The following ASIC1 variants were observed in gnomAD, a reference collection of about 807,000 sequenced individuals.
ASIC1 encodes acid sensing ion channel subunit 1.
Under a neutral mutation model 63.4 loss-of-function variants are expected in ASIC1, and 21 were observed. The observed-to-expected ratio is 0.33, with a 90% confidence interval of 0.23 to 0.48. The LOEUF (loss-of-function observed/expected upper bound fraction) is 0.48. Among genes scored for constraint, ASIC1 ranks in the 20% least tolerant of loss-of-function variants. The pLI, the probability that ASIC1 is intolerant of heterozygous loss-of-function variation, is 0.99. For synonymous variants in ASIC1, 258 were observed against 278.2 expected, an observed-to-expected ratio of 0.93 and a Z score of 0.72; for missense variants, 478 against 695.5, an observed-to-expected ratio of 0.69 and a Z score of 3.52.
chr12:50,072,272 C>T (rs1289396054), intron 3 of ASIC1, among the ~76,000 whole-genome samples: 4 of 152,228 alleles, frequency 2.6e-5, no homozygotes, highest in Non-Finnish European at 5.9e-5. Context: ...TCTAGCCCCA[C>T]TGCTCCTCCT....
intron 3 of ASIC1, among the ~76,000 whole-genome samples, chr12:50,071,187 T>A (rs909646119): frequency 5.3e-5 from 8 of 152,016 alleles, no homozygotes; most frequent in Admixed American, 5.2e-4. Context: ...GGCACAGGAC[T>A]GTGGATGAGC....
rs1555185346 is a variant in ASIC1, at chr12:50,078,167, T to C, written c.837+40T>C. On this transcript the variant is annotated intron_variant, in intron 5 of 11. Coordinates refer to ENST00000447966, the MANE Select transcript of ASIC1 (RefSeq NM_001095.4). The surrounding 1 kb of genome is among the most constrained non-coding windows in gnomAD (Gnocchi z 6.0). ...GGAGGCTGGTCCTGGGGTGGGGTAT[T>C]GAGGGGTCCAGATGGAGTGGTGGGC... The C allele has an allele frequency of 6.3e-7, 1 of 1,595,504 alleles. No individual in the cohort carries two copies. Among genetic ancestry groups the C allele is most frequent in the South Asian group, 1.1e-5 (1 of 87,992 alleles).
At chr12:50,062,506 G>T (rs1430652851) in intron 3 of ASIC1, among the ~76,000 whole-genome samples, 2 of 152,218 alleles carry the variant, frequency 1.3e-5, no homozygotes, top group Non-Finnish European at 2.9e-5. Context: ...TTAGGGCTTT[G>T]CTTGCTCTTT....
At chr12:50,066,432 T>C (rs1011421358) in intron 3 of ASIC1, among the ~76,000 whole-genome samples, 1 of 151,786 alleles carries the variant, frequency 6.6e-6, no homozygotes, top group African/African-American at 2.4e-5. Flanking sequence ...CAAGAAAGGG[T>C]ATAGAGAAGA....
chr12:50,077,190 G>A (rs370844778), intron 3 of ASIC1, 23 bp from the exon 4 acceptor site: 26 of 1,603,678 alleles, frequency 1.6e-5, no homozygotes, highest in Non-Finnish European at 2.1e-5. Flanking sequence ...GGACTCTTAG[G>A]CTCTCCACTC....
At chr12:50,077,904 C>T (rs745573967) in intron 4 of ASIC1, 96 bp from the exon 5 acceptor site, 88 of 1,520,754 alleles carry the variant, frequency 5.8e-5, no homozygotes, top group Non-Finnish European at 7.3e-5. Context: ...CCAGTGCACC[C>T]TATGCTTATT....
intron 3 of ASIC1, among the ~76,000 whole-genome samples, chr12:50,063,585 T>C (rs1950520056): frequency 6.6e-6 from 1 of 152,080 alleles, no homozygotes; most frequent in African/African-American, 2.4e-5. Context: ...CAGGAGTCCT[T>C]CTCAGGACCC....
chr12:50,064,102 G>A (rs1950524690), intron 3 of ASIC1, among the ~76,000 whole-genome samples: 1 of 152,138 alleles, frequency 6.6e-6, no homozygotes, highest in Non-Finnish European at 1.5e-5. Flanking sequence ...TGCACAGATT[G>A]CAGAGGGATA....
intron 3 of ASIC1, among the ~76,000 whole-genome samples, chr12:50,068,841 C>G (rs546163407): frequency 6.6e-6 from 1 of 152,156 alleles, no homozygotes; most frequent in African/African-American, 2.4e-5. Flanking sequence ...CACTCTACCC[C>G]CTGTTCCGGC....
chr12:50,058,133 C>A (rs991313964), intron 1 of ASIC1, among the ~76,000 whole-genome samples: 6 of 151,902 alleles, frequency 3.9e-5, no homozygotes, highest in Admixed American at 6.5e-5. Flanking sequence ...CCGCGCCCCC[C>A]CTCCATACAT....
At chr12:50,061,601 T>C (rs1279754044) in intron 3 of ASIC1, among the ~76,000 whole-genome samples, 1 of 152,012 alleles carries the variant, frequency 6.6e-6, no homozygotes, top group Non-Finnish European at 1.5e-5. Context: ...GAGGGACCCG[T>C]GAGAAAGATG....
At position 50,078,392 on chromosome 12, in the gene ASIC1, C is replaced by T; in HGVS notation, c.838-29C>T. On this transcript the variant is annotated intron_variant, in intron 5 of 11. Transcript: ENST00000447966. The surrounding 1 kb of genome is among the most constrained non-coding windows in gnomAD (Gnocchi z 6.0). Reference sequence around the variant, plus strand: ...GCTGATTTGGGGAGAAGTCCCCGCACTCCCCCAGCTCCCCGGCTCTCCCAG... The same window carrying T: ...GCTGATTTGGGGAGAAGTCCCCGCATTCCCCCAGCTCCCCGGCTCTCCCAG... 6.2e-7 allele frequency: 1 copy of T among 1,612,646 alleles called. No homozygotes were observed. Among genetic ancestry groups the T allele is most frequent in the Non-Finnish European group, 8.5e-7 (1 of 1,179,124 alleles).
chr12:50,081,748 A>AGGGGAGTC lies in ASIC1; in HGVS notation c.*99_*100insGGGGAGTC. 6 of 1,044,816 alleles carry AGGGGAGTC rather than the reference A, an allele frequency of 5.7e-6. No homozygotes were observed. In the South Asian group the frequency reaches 8.6e-5, roughly 15 times the overall value. The allele number at this position is 1,044,816 out of a possible 1,614,324, so 64.7% of individuals were successfully genotyped here. A position where few individuals can be genotyped will look rare whatever the true frequency, so the allele number is the denominator to read the frequency against. ...CACATCTGCCCTGGGGACTCCCCAC[A>AGGGGAGTC]CTCCGGGGCAGATCTTTCCTCTTGT... is the stretch of plus-strand genomic sequence containing the variant. On this transcript the variant is annotated 3_prime_UTR_variant, in exon 12 of 12. Coordinates refer to ENST00000447966, the MANE Select transcript of ASIC1 (RefSeq NM_001095.4).
chr12:50,080,090 G>T, intron 8 of ASIC1, 35 bp downstream of exon 8: 1 of 1,577,944 alleles, frequency 6.3e-7, no homozygotes, highest in Non-Finnish European at 8.6e-7. Context: ...AAGGCCCTTG[G>T]GTTGGGACTG....
chr12:50,076,887 C>A, intron 3 of ASIC1: 1 of 493,568 alleles, frequency 2.0e-6, no homozygotes. Context: ...GGGGCGAGGG[C>A]TGGGGAAGGA....
At chr12:50,075,831 A>G (rs1950649789) in intron 3 of ASIC1, among the ~76,000 whole-genome samples, 1 of 152,202 alleles carries the variant, frequency 6.6e-6, no homozygotes, top group Admixed American at 6.5e-5. Context: ...GGGACATTCA[A>G]GGAGGCTGTG....
rs1295266469 is a variant in ASIC1, at chr12:50,082,669, T to A, written c.*1020T>A. ...CTCCCACCCCAAGTTCCACCTTCTA[T>A]GTTTCTACTCCCTCCCTGGTCTCTG... On this transcript the variant is annotated 3_prime_UTR_variant, in exon 12 of 12. Coordinates refer to ENST00000447966, the MANE Select transcript of ASIC1 (RefSeq NM_001095.4). 2 of 152,820 alleles carry A rather than the reference T, an allele frequency of 1.3e-5. No homozygotes were observed. The highest frequency in any genetic ancestry group is 1.3e-4 in the Admixed American group (2 of 15,288). The allele number at this position is 152,820 out of a possible 1,614,324, so 9.5% of individuals were successfully genotyped here.
chr12:50,081,094 C>A lies in ASIC1; in HGVS notation c.1298-8C>A. On this transcript the variant is annotated splice_polypyrimidine_tract_variant and splice_region_variant and intron_variant, in intron 9 of 11. Transcript: ENST00000447966. ...CCCCACTGACCCCCCTGGCGCCTGC[C>A]CCCGCAGGTGACATCGGGGGCCAGA... The A allele has an allele frequency of 6.3e-7, 1 of 1,589,976 alleles. No homozygotes were observed. The highest frequency in any genetic ancestry group is 8.6e-7 in the Non-Finnish European group (1 of 1,169,092).
chr12:50,081,216 G>C (rs370863112), intron 10 of ASIC1, 35 bp downstream of exon 10: 121 of 1,606,362 alleles, frequency 7.5e-5, no homozygotes, highest in South Asian at 2.0e-4. Context: ...GGGGCCACGT[G>C]GGGGCGGGGT....
Sources: allele counts gnomAD v4.1 joint callset (sites outside exome capture counted in the v4.1 genomes callset), GRCh38; gene constraint gnomAD v4.1.1; non-coding constraint Gnocchi (gnomAD v3.1); transcripts MANE v1.5; gene names NCBI Gene and HGNC (gene_info 2026-07-23, HGNC 2026-07-21).